PCDH17: variants seen among roughly 807,000 people sequenced by gnomAD.
PCDH17 encodes the protein protocadherin 17.
In PCDH17, 21 loss-of-function variants were observed where a neutral mutation model predicts 67.7. The ratio of observed to expected loss-of-function variants is 0.31; its 90% CI spans 0.22 to 0.45. The LOEUF (loss-of-function observed/expected upper bound fraction) is 0.45, where lower values mean the gene tolerates loss of function less well. PCDH17 is among the 20% of genes least tolerant of loss of function. The pLI is 1.00. For missense variants in PCDH17, 1,471 were observed against 1,564.8 expected, an observed-to-expected ratio of 0.94 and a Z score of 1.01; for synonymous variants, 701 against 656.7, an observed-to-expected ratio of 1.07 and a Z score of -1.03.
rs371087722 is a variant in PCDH17 at position 57,653,325 on chromosome 13, AC to A, written c.2566-13141del. Among the ~76,000 whole-genome samples, 681 of 152,258 alleles carry A rather than the reference AC, an allele frequency of 4.5e-3. 2 individuals are homozygous for A. The highest frequency in any genetic ancestry group is 0.015 in the African/African-American group (624 of 41,568). On this transcript the variant is annotated intron_variant, in intron 1 of 3. Transcript: ENST00000377918. ...GAAGAAAGCCATTCCAGGGGGTATG[AC>A]CTCGTATTAGAAACTGTAGGGAGTG...
At chr13:57,677,164 A>C (rs1304713187) in intron 3 of PCDH17, among the ~76,000 whole-genome samples, 1 of 151,848 alleles carries the variant, frequency 6.6e-6, no homozygotes, top group Admixed American at 6.6e-5. Flanking sequence ...ATTCCTGCTC[A>C]CATAGAGCTT....
At chr13:57,718,951 T>TCTTGG (rs1466082144) in intron 3 of PCDH17, among the ~76,000 whole-genome samples, 1 of 151,932 alleles carries the variant, frequency 6.6e-6, no homozygotes, top group Non-Finnish European at 1.5e-5. Flanking sequence ...CAGCCAAAGG[T>TCTTGG]CTTGGCTTGG....
chr13:57,690,845 G>A (rs61961890), intron 3 of PCDH17, among the ~76,000 whole-genome samples: 7,672 of 151,428 alleles, frequency 0.051, 260 homozygotes, highest in Middle Eastern at 0.097. Flanking sequence ...AGCACAGCAT[G>A]TTCACTAATT....
intron 3 of PCDH17, among the ~76,000 whole-genome samples, chr13:57,675,796 A>G (rs1955385410): frequency 1.3e-5 from 2 of 151,956 alleles, no homozygotes; most frequent in South Asian, 2.1e-4. Context: ...GGTGCTCAGG[A>G]GGTAACATTG....
intron 3 of PCDH17, among the ~76,000 whole-genome samples, chr13:57,703,973 A>G (rs1210941832): frequency 2.0e-5 from 3 of 152,242 alleles, no homozygotes; most frequent in East Asian, 3.9e-4. Flanking sequence ...TGTCATAATC[A>G]GAATGTTGAC....
At chr13:57,676,192 A>T (rs1296288211) in intron 3 of PCDH17, among the ~76,000 whole-genome samples, 1 of 151,848 alleles carries the variant, frequency 6.6e-6, no homozygotes, top group African/African-American at 2.4e-5. Flanking sequence ...GTAATGTGGA[A>T]CATTTGAAAT....
At chr13:57,641,546 C>G (rs1954892600) in intron 1 of PCDH17, among the ~76,000 whole-genome samples, 1 of 90,310 alleles carries the variant, frequency 1.1e-5, no homozygotes, top group Non-Finnish European at 2.0e-5. Flanking sequence ...TGGTTTCAGA[C>G]AGTGTTTGAG....
At chr13:57,712,300 T>G (rs1044754410) in intron 3 of PCDH17, among the ~76,000 whole-genome samples, 21 of 151,674 alleles carry the variant, frequency 1.4e-4, no homozygotes, top group Non-Finnish European at 4.4e-5. Flanking sequence ...AATTCAAGCT[T>G]TTTTCTCCTT....
rs959413433 is a variant in PCDH17, at chr13:57,658,328, T to A, written c.2566-8140T>A. The stretch of plus-strand genomic sequence containing the variant: ...TGAATCTTTTTTTATATCTTCTATT[T>A]CTCTCTTTCAGGATCAAAATTAACG... On this transcript the variant is annotated intron_variant, in intron 1 of 3. Coordinates refer to ENST00000377918, the MANE Select transcript of PCDH17 (RefSeq NM_001040429.3). Among the ~76,000 whole-genome samples, 3 of 152,188 alleles carry A rather than the reference T, an allele frequency of 2.0e-5. No individual in the cohort carries two copies. The East Asian group carries it at 5.8e-4, about 29-fold the overall frequency.
intron 1 of PCDH17, among the ~76,000 whole-genome samples, chr13:57,656,473 C>T (rs1258316395): frequency 6.6e-6 from 1 of 151,734 alleles, no homozygotes; most frequent in Non-Finnish European, 1.5e-5. Flanking sequence ...TATTCTCTTC[C>T]TTTGTCTTTA....
At chr13:57,691,328 G>A (rs1004659424) in intron 3 of PCDH17, among the ~76,000 whole-genome samples, 1 of 151,144 alleles carries the variant, frequency 6.6e-6, no homozygotes, top group Non-Finnish European at 1.5e-5. Flanking sequence ...ATTCAAAATG[G>A]CTAATTTTTG....
chr13:57,699,803 T>C (rs1955645751), intron 3 of PCDH17, among the ~76,000 whole-genome samples: 1 of 152,062 alleles, frequency 6.6e-6, no homozygotes, highest in Non-Finnish European at 1.5e-5. Flanking sequence ...ATACAACTAT[T>C]TTAAAATTTT....
chr13:57,709,345 G>T (rs1297482434), intron 3 of PCDH17, among the ~76,000 whole-genome samples: 1 of 151,576 alleles, frequency 6.6e-6, no homozygotes, highest in East Asian at 1.9e-4. Context: ...ATCCACTATT[G>T]CAGAAAATTA....
rs550912408 is a variant in PCDH17 at position 57,724,704 on chromosome 13, G to A, written c.2890G>A (p.Ala964Thr). 6.2e-7 allele frequency: 1 copy of A among 1,614,082 alleles called. No homozygotes were observed. Among genetic ancestry groups the A allele is most frequent in the South Asian group, 1.1e-5 (1 of 91,088 alleles). ...WMPQFPAANQ[A>T]ENADYRTNLF... ...GCCACAGTTCCCTGCAGCCAATCAG[G>A]CTGAAAATGCAGATTACCGCACAAA... is the stretch of plus-strand genomic sequence containing the variant. Residue 964 changes from alanine (A) to threonine (T), a missense_variant, in exon 4 of 4, where the codon GCT becomes ACT. Ala to Thr is a moderately conservative substitution (Grantham distance 58). Around this residue, in one of 3 missense-constraint regions of PCDH17, gnomAD observed 297 missense variants for 298.6 expected, o/e 0.99. Coordinates refer to ENST00000377918, the MANE Select transcript of PCDH17 (RefSeq NM_001040429.3).
At chr13:57,702,304 G>C (rs1243305378) in intron 3 of PCDH17, among the ~76,000 whole-genome samples, 12 of 152,026 alleles carry the variant, frequency 7.9e-5, no homozygotes, top group Admixed American at 6.6e-4. Context: ...GTTTGTGCCT[G>C]AATTATATTG....
intron 3 of PCDH17, among the ~76,000 whole-genome samples, chr13:57,706,072 A>G (rs1384073968): frequency 6.6e-6 from 1 of 152,118 alleles, no homozygotes; most frequent in African/African-American, 2.4e-5. Flanking sequence ...AAAGCATCAG[A>G]TTACTTCTAC....
chr13:57,639,974 A>G (rs1312733793), intron 1 of PCDH17, among the ~76,000 whole-genome samples: 2 of 152,010 alleles, frequency 1.3e-5, no homozygotes, highest in African/African-American at 2.4e-5. Flanking sequence ...AGTTGATGCT[A>G]TAACATATAT....
In PCDH17 at chr13:57,639,443, G is replaced by C. The variant is rs201123550; in HGVS notation, c.2565+4332G>C. 2.0e-5 allele frequency among the ~76,000 whole-genome samples: 3 copies of C among 151,724 alleles called. No homozygotes were observed. In the East Asian group the frequency reaches 5.8e-4, roughly 29 times the overall value. On this transcript the variant is annotated intron_variant, in intron 1 of 3. Transcript: ENST00000377918. ...TGAAAATTTTAGCTCCAATTTTAAT[G>C]TGGCATTTCTCTATTTCCCAATAAA...
intron 3 of PCDH17, among the ~76,000 whole-genome samples, chr13:57,680,482 C>T (rs1284142512): frequency 6.6e-6 from 1 of 151,600 alleles, no homozygotes; most frequent in Non-Finnish European, 1.5e-5. Flanking sequence ...TTATGAAGGA[C>T]TTGAATGCCA....
Sources: gnomAD v4.1 joint callset for allele counts (sites outside exome capture counted in the v4.1 genomes callset) on GRCh38, gnomAD v4.1.1 for gene constraint, gnomAD v4.1.1 regional missense constraint, MANE v1.5 for transcripts, NCBI Gene and HGNC (gene_info 2026-07-23, HGNC 2026-07-21) for gene names.